PRKAR2A: variants seen among roughly 807,000 people sequenced by gnomAD.
The protein encoded by PRKAR2A is protein kinase cAMP-dependent type II regulatory subunit alpha.
PRKAR2A carries 29 observed loss-of-function variants against 51.9 expected under a neutral mutation model. That is an observed-to-expected ratio of 0.56 (90% CI 0.42 to 0.76). The LOEUF is 0.76. Ranked by LOEUF, PRKAR2A falls within the 30% of genes least tolerant of loss-of-function variation. The pLI is 0.00. For missense variants in PRKAR2A, 445 were observed against 512.1 expected, an observed-to-expected ratio of 0.87 and a Z score of 1.26; for synonymous variants, 178 against 186.2, an observed-to-expected ratio of 0.96 and a Z score of 0.36.
intron 2 of PRKAR2A, among the ~76,000 whole-genome samples, chr3:48,804,902 T>C (rs2107352560): frequency 6.6e-6 from 1 of 152,068 alleles, no homozygotes; most frequent in Non-Finnish European, 1.5e-5. Context: ...AATATAATAA[T>C]GTTAAGTTTA....
intron 1 of PRKAR2A, among the ~76,000 whole-genome samples, chr3:48,813,284 T>C: frequency 6.7e-6 from 1 of 149,548 alleles, no homozygotes; most frequent in Non-Finnish European, 1.5e-5. Context: ...GCACGTGTAG[T>C]CCTAGATATT....
chr3:48,774,833 C>T (rs2082082272), intron 5 of PRKAR2A, among the ~76,000 whole-genome samples: 1 of 152,120 alleles, frequency 6.6e-6, no homozygotes, highest in Non-Finnish European at 1.5e-5. Context: ...CCTTGCCTCC[C>T]TCCCTCCCTC....
intron 2 of PRKAR2A, 63 bp from the exon 3 acceptor site, chr3:48,794,112 T>C: frequency 2.3e-6 from 3 of 1,282,560 alleles, no homozygotes; most frequent in Non-Finnish European, 2.2e-6. Flanking sequence ...TTAGGAAAAA[T>C]AGGAAGTGAA....
rs746695775 is a variant in PRKAR2A, at chr3:48,807,701, C to T, written c.263-17G>A. ...GAACTGGAACTGCAAAATAAAGAAG[C>T]AACATTTAGTCATTATTATGTCACC... On this transcript the variant is annotated splice_polypyrimidine_tract_variant and intron_variant, in intron 1 of 10. Coordinates refer to ENST00000265563, the MANE Select transcript of PRKAR2A (RefSeq NM_004157.4). 1 of 1,600,950 alleles carries T rather than the reference C, an allele frequency of 6.2e-7. No homozygotes were observed. The highest frequency in any genetic ancestry group is 1.1e-5 in the South Asian group (1 of 90,530).
intron 5 of PRKAR2A, among the ~76,000 whole-genome samples, chr3:48,777,940 A>G (rs2082129832): frequency 6.6e-6 from 1 of 152,174 alleles, no homozygotes; most frequent in Non-Finnish European, 1.5e-5. Context: ...AGACACTAGC[A>G]TTTAACTTTG....
chr3:48,828,538 G>GT (rs1208058150), intron 1 of PRKAR2A, among the ~76,000 whole-genome samples: 2 of 151,750 alleles, frequency 1.3e-5, no homozygotes, highest in Admixed American at 1.3e-4. Context: ...AGGCAACATG[G>GT]TGAGACTCCG....
At chr3:48,825,028 CTTTTTTTT>C (rs1168503342) in intron 1 of PRKAR2A, among the ~76,000 whole-genome samples, 5 of 74,688 alleles carry the variant, frequency 6.7e-5, no homozygotes, top group East Asian at 5.8e-4. Context: ...ATTTTCTTTT[CTTTTTTTT>C]TTTTTTTTTT....
intron 2 of PRKAR2A, among the ~76,000 whole-genome samples, chr3:48,801,341 C>G (rs148738156): frequency 2.0e-5 from 3 of 152,112 alleles, no homozygotes; most frequent in East Asian, 2.0e-4. Context: ...TTAGTCAAGA[C>G]GAAGCTTCAC....
At chr3:48,800,568 A>G (rs2082573031) in intron 2 of PRKAR2A, among the ~76,000 whole-genome samples, 1 of 152,104 alleles carries the variant, frequency 6.6e-6, no homozygotes, top group Non-Finnish European at 1.5e-5. Context: ...TTGGGACTAC[A>G]TAAGAAAGCC....
At chr3:48,775,978 G>A (rs2082099067) in intron 5 of PRKAR2A, among the ~76,000 whole-genome samples, 1 of 152,008 alleles carries the variant, frequency 6.6e-6, no homozygotes, top group African/African-American at 2.4e-5. Context: ...CGGGTGGCAG[G>A]TGCCTGTAAT....
chr3:48,763,202 C>T (rs1333977017), intron 8 of PRKAR2A, among the ~76,000 whole-genome samples: 2 of 152,196 alleles, frequency 1.3e-5, no homozygotes, highest in Non-Finnish European at 2.9e-5. Flanking sequence ...ACTTGCATTC[C>T]TAACAATTCT....
chr3:48,807,779 GC>G (rs2082696077), intron 1 of PRKAR2A, 95 bp from the exon 2 acceptor site: 1 of 1,028,442 alleles, frequency 9.7e-7, no homozygotes, highest in Non-Finnish European at 1.5e-6. Context: ...ATAGACCTAA[GC>G]CCCTCAAAAC....
chr3:48,794,122 A>T, intron 2 of PRKAR2A, 73 bp from the exon 3 acceptor site: 2 of 1,176,590 alleles, frequency 1.7e-6, no homozygotes, highest in Non-Finnish European at 2.4e-6. Context: ...TAGGAAGTGA[A>T]CTCAATTTTC....
chr3:48,839,828 T>C (rs535775506), intron 1 of PRKAR2A, among the ~76,000 whole-genome samples: 2 of 152,310 alleles, frequency 1.3e-5, no homozygotes, highest in African/African-American at 2.4e-5. Context: ...TCTAATGTCA[T>C]TGGGTATACA....
At chr3:48,802,753 G>A (rs182732710) in intron 2 of PRKAR2A, among the ~76,000 whole-genome samples, 22 of 152,292 alleles carry the variant, frequency 1.4e-4, no homozygotes, top group African/African-American at 4.1e-4. Flanking sequence ...GCTACTTCAC[G>A]CGGTTTTGTT....
In PRKAR2A at chr3:48,749,064, G is replaced by C. The variant is rs147672560; in HGVS notation, c.*2521C>G. ...GCCTAGCTTATGTGGATAGTTGAAG[G>C]TGACTGTGTGGGCCATCATTATCTA... is the stretch of plus-strand genomic sequence containing the variant. On this transcript the variant is annotated 3_prime_UTR_variant, in exon 11 of 11. Transcript: ENST00000265563. 2.6e-4 allele frequency: 39 copies of C among 152,334 alleles called. No homozygotes were observed. In the East Asian group the frequency reaches 5.0e-3, roughly 20 times the overall value. 9.4% of individuals were successfully genotyped at this position (152,334 alleles called of 1,614,324 possible).
intron 1 of PRKAR2A, among the ~76,000 whole-genome samples, chr3:48,839,284 G>A (rs554994899): frequency 1.0e-4 from 15 of 144,552 alleles, no homozygotes; most frequent in Non-Finnish European, 1.8e-4. Context: ...GCAAAATTCC[G>A]TCTAAAAAAA....
At chr3:48,759,994 A>G (rs1212861107) in intron 8 of PRKAR2A, among the ~76,000 whole-genome samples, 1 of 152,136 alleles carries the variant, frequency 6.6e-6, no homozygotes, top group Admixed American at 6.5e-5. Flanking sequence ...TGTCTACATT[A>G]CTCTAAGAAT....
rs1048081484 is a variant in PRKAR2A at position 48,749,222 on chromosome 3, C to T, written c.*2363G>A. 2.6e-5 allele frequency: 4 copies of T among 152,050 alleles called. No individual in the cohort carries two copies. The highest frequency in any genetic ancestry group is 4.8e-5 in the African/African-American group (2 of 41,390). 9.4% of individuals were successfully genotyped at this position (152,050 alleles called of 1,614,324 possible). On this transcript the variant is annotated 3_prime_UTR_variant, in exon 11 of 11. Coordinates refer to ENST00000265563, the MANE Select transcript of PRKAR2A (RefSeq NM_004157.4). ...GTTACAACATTCAAATTTATCTTTA[C>T]GGAAATTTCACACTGCTCCTAGGAG...
Sources: allele counts gnomAD v4.1 joint callset (sites outside exome capture counted in the v4.1 genomes callset), GRCh38; gene constraint gnomAD v4.1.1; transcripts MANE v1.5; gene names NCBI Gene and HGNC (gene_info 2026-07-23, HGNC 2026-07-21).